The following DCDC2 variants were observed in gnomAD, a reference collection of about 807,000 sequenced individuals.
The protein encoded by DCDC2 is doublecortin domain-containing protein 2.
Under a neutral mutation model 50.2 loss-of-function variants are expected in DCDC2, and 40 were observed. The observed-to-expected ratio is 0.80, with a 90% CI of 0.62 to 1.04. The LOEUF (loss-of-function observed/expected upper bound fraction) is 1.04. Ranked by LOEUF, DCDC2 falls within the 50% of genes least tolerant of loss-of-function variation. DCDC2 has a pLI of 0.00. For synonymous variants in DCDC2, 234 were observed against 210.6 expected (o/e 1.11, Z -0.96); for missense variants, 570 against 581.9 (o/e 0.98, Z 0.21).
intron 4 of DCDC2, among the ~76,000 whole-genome samples, chr6:24,292,225 G>C (rs2113831634): frequency 6.6e-6 from 1 of 152,160 alleles, no homozygotes; most frequent in African/African-American, 2.4e-5. Flanking sequence ...CAGAAAGACA[G>C]TGCATATTTT....
Position 24,174,973 on chromosome 6 carries a change from GT to G in DCDC2, c.1327-140del, listed in dbSNP as rs1273117912. ...AAAAAGAGTTCCTGGGGTTCCCTTTGTTTTTTTGTCTATCATTACCCAGTGG... is the reference window on the plus strand; with the variant it reads ...AAAAAGAGTTCCTGGGGTTCCCTTTGTTTTTTGTCTATCATTACCCAGTGG... On this transcript the variant is annotated intron_variant, in intron 9 of 9. Coordinates refer to ENST00000378454, the MANE Select transcript of DCDC2 (RefSeq NM_016356.5). 32 of 476,258 alleles carry G rather than the reference GT, an allele frequency of 6.7e-5. No homozygotes were observed. The South Asian group carries it at 1.3e-3, about 20-fold the overall frequency. 29.5% of individuals were successfully genotyped at this position (476,258 alleles called of 1,614,324 possible).
chr6:24,275,554 C>A (rs756641264), intron 7 of DCDC2, among the ~76,000 whole-genome samples: 6 of 152,070 alleles, frequency 3.9e-5, no homozygotes, highest in Non-Finnish European at 8.8e-5. Flanking sequence ...AAAAAAAATT[C>A]ATTCCCTAAA....
chr6:24,220,588 A>G (rs1406647867), intron 7 of DCDC2, among the ~76,000 whole-genome samples: 1 of 152,186 alleles, frequency 6.6e-6, no homozygotes, highest in Non-Finnish European at 1.5e-5. Context: ...TCATGAAACA[A>G]ATACAGTATA....
At chr6:24,345,764 G>T in intron 2 of DCDC2, among the ~76,000 whole-genome samples, 1 of 152,116 alleles carries the variant, frequency 6.6e-6, no homozygotes, top group East Asian at 1.9e-4. Flanking sequence ...TCTTGTGACT[G>T]GTTATTGAGA....
At chr6:24,361,431 TAA>T (rs1159021439), upstream of DCDC2, among the ~76,000 whole-genome samples, 1 of 140,918 alleles carries the variant, frequency 7.1e-6, no homozygotes. Context: ...AAATGAAAGT[TAA>T]AAAAAAAAAA....
At chr6:24,374,989 C>A in the DCDC2 span, among the ~76,000 whole-genome samples, 2 of 152,186 alleles carry the variant, frequency 1.3e-5, no homozygotes, top group South Asian at 4.1e-4. Context: ...GTGCTAGAGC[C>A]ACCTGAGTTC....
chr6:24,353,913 C>T (rs1031720253), intron 1 of DCDC2, among the ~76,000 whole-genome samples: 2 of 152,128 alleles, frequency 1.3e-5, no homozygotes, highest in African/African-American at 4.8e-5. Flanking sequence ...TTACTATATA[C>T]ACTATATTCT....
At chr6:24,319,965 C>T (rs935849794) in intron 2 of DCDC2, among the ~76,000 whole-genome samples, 2 of 152,002 alleles carry the variant, frequency 1.3e-5, no homozygotes, top group Admixed American at 1.3e-4. Context: ...AACAAATGAA[C>T]CTAACTGTGT....
At chr6:24,282,368 G>A (rs917049423) in intron 6 of DCDC2, among the ~76,000 whole-genome samples, 1 of 151,954 alleles carries the variant, frequency 6.6e-6, no homozygotes, top group Non-Finnish European at 1.5e-5. Context: ...TCAGCCTCCT[G>A]ATTAGCTGGG....
At chr6:24,219,215 A>G (rs1003027011) in intron 7 of DCDC2, among the ~76,000 whole-genome samples, 2 of 152,242 alleles carry the variant, frequency 1.3e-5, no homozygotes, top group African/African-American at 4.8e-5. Context: ...GATATAGTCA[A>G]GAAACATTTT....
At chr6:24,256,429 T>A (rs1316967229) in intron 7 of DCDC2, among the ~76,000 whole-genome samples, 1 of 152,124 alleles carries the variant, frequency 6.6e-6, no homozygotes, top group Non-Finnish European at 1.5e-5. Context: ...AATTTTTAAT[T>A]TTTCTAATTT....
intron 7 of DCDC2, among the ~76,000 whole-genome samples, chr6:24,210,024 GTGT>G (rs1761826641): frequency 1.2e-4 from 3 of 25,656 alleles, no homozygotes; most frequent in Non-Finnish European, 5.5e-4. Context: ...ATCAGGGTGT[GTGT>G]GTGTGTGTGT....
intron 4 of DCDC2, among the ~76,000 whole-genome samples, chr6:24,298,684 T>C (rs1759310037): frequency 6.6e-6 from 1 of 152,204 alleles, no homozygotes; most frequent in African/African-American, 2.4e-5. Context: ...TGATGTTGTA[T>C]ATTAAATAAA....
chr6:24,178,423 C>G lies in DCDC2; in HGVS notation c.1233G>C (p.Glu411Asp). Residue 411 changes from glutamate (E) to aspartate (D), a missense_variant, in exon 9 of 10, where the codon GAG becomes GAC. By Grantham distance (45) the Glu-to-Asp change is conservative. Transcript: ENST00000378454. The part of the protein sequence containing the change: ...PARVNGGTDE[E>D]NGEELQQVNN... ...TAACCTGCTGCAGCTCCTCACCATT[C>G]TCCTCATCGGTGCCTCCATTTACAC... 6.2e-7 allele frequency: 1 copy of G among 1,614,210 alleles called. No homozygotes were observed. Among genetic ancestry groups the G allele is most frequent in the Non-Finnish European group, 8.5e-7 (1 of 1,180,044 alleles).
intron 2 of DCDC2, among the ~76,000 whole-genome samples, chr6:24,324,799 C>T (rs927820895): frequency 1.3e-5 from 2 of 151,922 alleles, no homozygotes; most frequent in South Asian, 4.2e-4. Context: ...GGGAGGAAAA[C>T]TTGAACCCAG....
intron 4 of DCDC2, among the ~76,000 whole-genome samples, chr6:24,293,808 G>A (rs1328447082): frequency 6.6e-6 from 1 of 152,068 alleles, no homozygotes; most frequent in Non-Finnish European, 1.5e-5. Flanking sequence ...AAATGTAAAA[G>A]AATCAAAATC....
chr6:24,183,044 C>T (rs1185106185), intron 8 of DCDC2, among the ~76,000 whole-genome samples: 1 of 152,122 alleles, frequency 6.6e-6, no homozygotes, highest in Non-Finnish European at 1.5e-5. Context: ...AAGCCAGTCA[C>T]ACAAAAAGAC....
chr6:24,360,517 T>C (rs559994060), upstream of DCDC2, among the ~76,000 whole-genome samples: 31 of 152,268 alleles, frequency 2.0e-4, no homozygotes, highest in African/African-American at 7.0e-4. Flanking sequence ...TTTGTGTAGA[T>C]TGTTAGCTCT....
intron 8 of DCDC2, among the ~76,000 whole-genome samples, chr6:24,202,833 C>T (rs1338316812): frequency 6.6e-6 from 1 of 152,106 alleles, no homozygotes; most frequent in East Asian, 1.9e-4. Context: ...CATTCCTATA[C>T]ACCAGTAATA....
Sources: gnomAD v4.1 joint callset for allele counts (sites outside exome capture counted in the v4.1 genomes callset) on GRCh38, gnomAD v4.1.1 for gene constraint, MANE v1.5 for transcripts, NCBI Gene and HGNC (gene_info 2026-07-23, HGNC 2026-07-21) for gene names.